The following IL7R variants were observed in gnomAD, a reference collection of about 807,000 sequenced individuals.
The protein encoded by IL7R is interleukin 7 receptor.
Under a neutral mutation model 47.0 loss-of-function variants are expected in IL7R, and 38 were observed. The ratio of observed to expected loss-of-function variants is 0.81; its 90% CI spans 0.62 to 1.06. The LOEUF (loss-of-function observed/expected upper bound fraction) is 1.06. Ranked by LOEUF, IL7R falls within the 50% of genes least tolerant of loss-of-function variation. IL7R has a pLI of 0.00. For synonymous variants in IL7R, 221 were observed against 199.8 expected (o/e 1.11, Z -0.89); for missense variants, 633 against 534.8 (o/e 1.18, Z -1.81).
chr5:35,876,726 C>A lies in IL7R; in HGVS notation c.*240C>A. 3 of 499,938 alleles carry A rather than the reference C, an allele frequency of 6.0e-6. No individual in the cohort carries two copies. The highest frequency in any genetic ancestry group is 3.4e-5 in the Admixed American group (1 of 29,352). The allele number at this position is 499,938 out of a possible 1,614,324, so 31.0% of individuals were successfully genotyped here. ...TTTGGTCACAAGGTTTAAGGTGACC[C>A]AATGATTCAGCTATTTAAAAAAAAA... is the stretch of plus-strand genomic sequence containing the variant. On this transcript the variant is annotated 3_prime_UTR_variant, in exon 8 of 8. Coordinates refer to ENST00000303115, the MANE Select transcript of IL7R (RefSeq NM_002185.5).
In IL7R at chr5:35,879,559, T is replaced by C. The variant is rs1005197517; in HGVS notation, c.*3073T>C. The C allele has an allele frequency of 4.0e-5, 9 of 224,966 alleles. No homozygotes were observed. The highest frequency in any genetic ancestry group is 8.0e-5 in the Non-Finnish European group (9 of 112,830). The allele number at this position is 224,966 out of a possible 1,614,324, so 13.9% of individuals were successfully genotyped here. A position where few individuals can be genotyped will look rare whatever the true frequency, so the allele number is the denominator to read the frequency against. On this transcript the variant is annotated 3_prime_UTR_variant, in exon 8 of 8. Transcript: ENST00000303115. ...CTGCTTAGTATATAAGCGTACAATG[T>C]ATGTAATAACCATCTCATATTTAAT...
In IL7R at chr5:35,879,139, A is replaced by G; in HGVS notation, c.*2653A>G. ...GTATTAATCAGAAGTGTAAACTGCC[A>G]GTTCTATATAGCATGAAATGAAAAG... On this transcript the variant is annotated 3_prime_UTR_variant, in exon 8 of 8. Coordinates refer to ENST00000303115, the MANE Select transcript of IL7R (RefSeq NM_002185.5). The G allele has an allele frequency of 4.3e-6, 1 of 233,070 alleles. No homozygotes were observed. Among genetic ancestry groups the G allele is most frequent in the Non-Finnish European group, 8.5e-6 (1 of 117,908 alleles). 14.4% of individuals were successfully genotyped at this position (233,070 alleles called of 1,614,324 possible).
intron 4 of IL7R, 67 bp from the exon 5 acceptor site, chr5:35,873,413 T>C (rs1760120889): frequency 4.6e-6 from 6 of 1,306,206 alleles, no homozygotes; most frequent in Non-Finnish European, 6.6e-6. Context: ...CCAATTGAAA[T>C]GATTTGGGAG....
At position 35,876,971 on chromosome 5, in the gene IL7R, T is replaced by C. The variant is rs987305908; in HGVS notation, c.*485T>C. 2 of 247,104 alleles carry C rather than the reference T, an allele frequency of 8.1e-6. No individual in the cohort carries two copies. The highest frequency in any genetic ancestry group is 2.2e-5 in the African/African-American group (1 of 45,490). The allele number at this position is 247,104 out of a possible 1,614,324, so 15.3% of individuals were successfully genotyped here. A position where few individuals can be genotyped will look rare whatever the true frequency, so the allele number is the denominator to read the frequency against. ...CAATTACTACGACTACTCTCTTTTT[T>C]ATAGATCATTAAATTCAGAACTAAG... On this transcript the variant is annotated 3_prime_UTR_variant, in exon 8 of 8. Coordinates refer to ENST00000303115, the MANE Select transcript of IL7R (RefSeq NM_002185.5).
chr5:35,861,661 A>C (rs904019193), intron 2 of IL7R, among the ~76,000 whole-genome samples: 2 of 152,114 alleles, frequency 1.3e-5, no homozygotes, highest in African/African-American at 4.8e-5. Context: ...CACAGGAATA[A>C]GTTGGCATTT....
intron 5 of IL7R, among the ~76,000 whole-genome samples, chr5:35,874,002 G>T (rs1362092441): frequency 6.6e-6 from 1 of 152,140 alleles, no homozygotes; most frequent in East Asian, 1.9e-4. Flanking sequence ...CACCTTTATT[G>T]GTGTCAGGTA....
chr5:35,875,449 G>A (rs752237189), intron 6 of IL7R, 63 bp from the exon 7 acceptor site: 46 of 1,099,174 alleles, frequency 4.2e-5, no homozygotes, highest in Non-Finnish European at 5.6e-5. Context: ...GAATAAGTGG[G>A]AAGACTCAGT....
intron 3 of IL7R, chr5:35,867,675 G>A (rs887686840): frequency 1.3e-5 from 8 of 637,638 alleles, no homozygotes; most frequent in South Asian, 1.9e-5. Flanking sequence ...TCAAACCCAG[G>A]TGTGAAAGAT....
Position 35,864,151 on chromosome 5 carries a change from C to T in IL7R, c.222-3155C>T, listed in dbSNP as rs78081549. 5.3e-4 allele frequency among the ~76,000 whole-genome samples: 81 copies of T among 152,236 alleles called. 1 individual carries two copies. In the East Asian group the frequency reaches 0.014, roughly 26 times the overall value. ...AATACTCTTTATTCTTTTCTGTCTT[C>T]TTTCATTTAACCAGTGTTTGTGAGA... On this transcript the variant is annotated intron_variant, in intron 2 of 7. Transcript: ENST00000303115.
intron 4 of IL7R, among the ~76,000 whole-genome samples, 198 bp downstream of exon 4, chr5:35,871,411 CTT>C (rs2149902093): frequency 6.6e-6 from 1 of 152,264 alleles, no homozygotes; most frequent in African/African-American, 2.4e-5. Context: ...TGGTTGTTTT[CTT>C]CTGCTCTAAT....
chr5:35,862,391 C>T lies in IL7R; in HGVS notation c.221+1401C>T, dbSNP rs528907439. Among the ~76,000 whole-genome samples, 3 of 152,096 alleles carry T rather than the reference C, an allele frequency of 2.0e-5. No homozygotes were observed. In the South Asian group the frequency reaches 6.2e-4, roughly 32 times the overall value. Reference sequence around the variant, plus strand: ...ACCTTTCTGTTCACTTTCATTCACACCATATTTGACCACTTCCTTGCCCAC... The same window carrying T: ...ACCTTTCTGTTCACTTTCATTCACATCATATTTGACCACTTCCTTGCCCAC... On this transcript the variant is annotated intron_variant, in intron 2 of 7. Transcript: ENST00000303115.
intron 6 of IL7R, 88 bp from the exon 7 acceptor site, chr5:35,875,424 C>CTGA: frequency 1.1e-6 from 1 of 946,018 alleles, no homozygotes. Flanking sequence ...ATCTGTTCTT[C>CTGA]TGATTCCAAG....
At chr5:35,873,439 C>G (rs1760121299) in intron 4 of IL7R, 41 bp from the exon 5 acceptor site, 1 of 1,564,924 alleles carries the variant, frequency 6.4e-7, no homozygotes, top group South Asian at 1.1e-5. Context: ...GGCAACACCT[C>G]TTTTCCCATC....
chr5:35,863,478 AC>A (rs1759869899), intron 2 of IL7R, among the ~76,000 whole-genome samples: 1 of 152,166 alleles, frequency 6.6e-6, no homozygotes, highest in Admixed American at 6.5e-5. Context: ...AGAAGAGTGT[AC>A]ACACATCCAG....
intron 2 of IL7R, among the ~76,000 whole-genome samples, chr5:35,863,331 A>G (rs1759864773): frequency 6.6e-6 from 1 of 152,178 alleles, no homozygotes; most frequent in African/African-American, 2.4e-5. Context: ...AAGGTGAAAG[A>G]TTCTGTAACA....
In IL7R at chr5:35,877,087, G is replaced by A. The variant is rs1760237847; in HGVS notation, c.*601G>A. On this transcript the variant is annotated 3_prime_UTR_variant, in exon 8 of 8. Transcript: ENST00000303115. The stretch of plus-strand genomic sequence containing the variant: ...GTCTAATTGCAGTTCCCTGAGCCAT[G>A]TGCCTTTCTCTTCACTGAGGACTGC... 8.5e-6 allele frequency: 2 copies of A among 235,196 alleles called. No homozygotes were observed. The highest frequency in any genetic ancestry group is 1.7e-5 in the Non-Finnish European group (2 of 119,488). 14.6% of individuals were successfully genotyped at this position (235,196 alleles called of 1,614,324 possible). A position where few individuals can be genotyped will look rare whatever the true frequency, so the allele number is the denominator to read the frequency against.
At position 35,879,528 on chromosome 5, in the gene IL7R, G is replaced by A. The variant is rs151275799; in HGVS notation, c.*3042G>A. 12 of 229,850 alleles carry A rather than the reference G, an allele frequency of 5.2e-5. No homozygotes were observed. In the East Asian group the frequency reaches 6.2e-4, roughly 12 times the overall value. 14.2% of individuals were successfully genotyped at this position (229,850 alleles called of 1,614,324 possible). ...TATCCACATGCATTACAAACATTTC[G>A]CAGAGCTGCTTAGTATATAAGCGTA... is the stretch of plus-strand genomic sequence containing the variant. On this transcript the variant is annotated 3_prime_UTR_variant, in exon 8 of 8. Transcript: ENST00000303115.
intron 3 of IL7R, among the ~76,000 whole-genome samples, chr5:35,870,607 C>T (rs1760047557): frequency 6.6e-6 from 1 of 152,150 alleles, no homozygotes; most frequent in Non-Finnish European, 1.5e-5. Flanking sequence ...AACAAATAAG[C>T]CCCCAAACAT....
At chr5:35,865,593 C>T (rs369729381) in intron 2 of IL7R, among the ~76,000 whole-genome samples, 11 of 152,260 alleles carry the variant, frequency 7.2e-5, no homozygotes, top group African/African-American at 2.6e-4. Context: ...AAAAGTGTTC[C>T]TATTTCTCCA....
Sources: allele counts gnomAD v4.1 joint callset (sites outside exome capture counted in the v4.1 genomes callset), GRCh38; gene constraint gnomAD v4.1.1; transcripts MANE v1.5; gene names NCBI Gene and HGNC (gene_info 2026-07-23, HGNC 2026-07-21).